Variants in FANCA observed in about 807,000 individuals in gnomAD.
FANCA encodes the protein FA complementation group A, also known as Fanconi anemia group A protein.
A neutral mutation model predicts 194.3 loss-of-function variants in FANCA; 236 were observed. The ratio of observed to expected loss-of-function variants is 1.21; its 90% CI spans 1.09 to 1.35. The LOEUF (loss-of-function observed/expected upper bound fraction) is 1.35. Among genes scored for constraint, FANCA ranks in the 40% most tolerant of loss-of-function variants. The pLI is 0.00. For synonymous variants in FANCA, 1,014 were observed against 715.8 expected (o/e 1.42, Z -6.65); for missense variants, 2,628 against 1,813.9 (o/e 1.45, Z -8.15).
rs12935638 is a variant in FANCA at position 89,811,222 on chromosome 16, G to A, written c.284-151C>T. 0.015 allele frequency: 13,987 copies of A among 957,722 alleles called. 391 individuals are homozygous for A. Among genetic ancestry groups the A allele is most frequent in the South Asian group, 0.086 (5,982 of 69,450 alleles). The allele number at this position is 957,722 out of a possible 1,614,324, so 59.3% of individuals were successfully genotyped here. Reference sequence around the variant, plus strand: ...AGAATAGATGCAAAGGGAAAAACATGAGATAAAAATGAGAATTTGATGATC... The same window carrying A: ...AGAATAGATGCAAAGGGAAAAACATAAGATAAAAATGAGAATTTGATGATC... On this transcript the variant is annotated intron_variant, in intron 3 of 42. Transcript: ENST00000389301.
At chr16:89,761,460 G>A (rs12931201) in intron 29 of FANCA, among the ~76,000 whole-genome samples, 1,879 of 148,872 alleles carry the variant, frequency 0.013, 30 homozygotes, top group South Asian at 0.09. Context: ...TTGCCACCGC[G>A]TGGAAGCTTT....
intron 28 of FANCA, chr16:89,764,663 A>G (rs2039063558): frequency 3.2e-6 from 2 of 621,008 alleles, no homozygotes; most frequent in South Asian, 3.0e-5. Context: ...CAAGATTCCA[A>G]TCAAACCATC....
rs17233595 is a variant in FANCA at position 89,746,527 on chromosome 16, C to T, written c.3513+57G>A. The T allele has an allele frequency of 0.012, 16,542 of 1,351,056 alleles. 1,247 individuals are homozygous for T. The African/African-American group carries it at 0.18, about 15-fold the overall frequency. 83.7% of individuals were successfully genotyped at this position (1,351,056 alleles called of 1,614,324 possible). The stretch of plus-strand genomic sequence containing the variant: ...CGTGCTGCAGAGATGCCAGAGGCAG[C>T]TGTGGAGTCTCCCACTCATCCCCAA... On this transcript the variant is annotated intron_variant, in intron 35 of 42. Transcript: ENST00000389301.
At chr16:89,800,815 GAGGTC>G (rs2040420891) in intron 8 of FANCA, among the ~76,000 whole-genome samples, 1 of 152,166 alleles carries the variant, frequency 6.6e-6, no homozygotes, top group Admixed American at 6.5e-5. Flanking sequence ...TGGATCACCT[GAGGTC>G]AGGAGTTCTA....
intron 1 of FANCA, chr16:89,816,297 G>C (rs566370312): frequency 4.5e-4 from 115 of 256,328 alleles, no homozygotes; most frequent in African/African-American, 2.4e-3. Context: ...GGCGGGGGCG[G>C]CGTTCGGGAA....
Position 89,796,026 on chromosome 16 carries a change from T to G in FANCA, c.894-8A>C, listed in dbSNP as rs11648881. 1.2e-6 allele frequency: 2 copies of G among 1,611,038 alleles called. No individual in the cohort carries two copies. The highest frequency in any genetic ancestry group is 1.7e-6 in the Non-Finnish European group (2 of 1,177,312). On this transcript the variant is annotated splice_region_variant and splice_polypyrimidine_tract_variant and intron_variant, in intron 10 of 42. Transcript: ENST00000389301. The stretch of plus-strand genomic sequence containing the variant: ...CCACTGAACACTCCGAACCTGCCAA[T>G]GCAGCAGAAAGAGGGGTCAGGAAAG...
chr16:89,739,423 G>C, intron 40 of FANCA, 55 bp downstream of exon 40: 1 of 1,554,894 alleles, frequency 6.4e-7, no homozygotes. Context: ...GAGGTGCTGA[G>C]ATGGGGGTCT....
intron 28 of FANCA, 137 bp from the exon 29 acceptor site, chr16:89,762,159 G>C: frequency 1.3e-6 from 1 of 746,770 alleles, no homozygotes; most frequent in East Asian, 2.5e-5. Flanking sequence ...GCAGCTGAGA[G>C]TTCCACAGGA....
intron 30 of FANCA, among the ~76,000 whole-genome samples, chr16:89,754,719 C>T (rs1170594133): frequency 2.6e-5 from 4 of 152,106 alleles, no homozygotes; most frequent in African/African-American, 9.7e-5. Flanking sequence ...CAAAAACACT[C>T]TTAGAACTAA....
At chr16:89,745,731 A>G (rs12923751) in intron 35 of FANCA, among the ~76,000 whole-genome samples, 16,285 of 62,790 alleles carry the variant, frequency 0.26, 2,256 homozygotes, top group East Asian at 0.9. Flanking sequence ...AGCTGGGAAC[A>G]AAACAGTGAA....
intron 10 of FANCA, 83 bp downstream of exon 10, chr16:89,799,083 G>C (rs151064671): frequency 1.2e-6 from 2 of 1,614,212 alleles, no homozygotes; most frequent in Non-Finnish European, 1.7e-6. Flanking sequence ...TGAAGCTCTG[G>C]AAGTGTTTAA....
intron 14 of FANCA, among the ~76,000 whole-genome samples, chr16:89,787,706 A>C (rs1290037645): frequency 1.3e-5 from 2 of 152,054 alleles, no homozygotes; most frequent in African/African-American, 2.4e-5. Flanking sequence ...ACCACATCCC[A>C]GCCTGGGAGA....
At chr16:89,755,351 T>TTAC (rs1199808367) in intron 30 of FANCA, among the ~76,000 whole-genome samples, 1 of 152,084 alleles carries the variant, frequency 6.6e-6, no homozygotes, top group Non-Finnish European at 1.5e-5. Flanking sequence ...GTAGCTGGGA[T>TTAC]TACAGGCGCC....
In FANCA at chr16:89,742,902, G is replaced by A. The variant is rs781216012; in HGVS notation, c.3663C>T (p.Asn1221=). ...GTGCAGCAGCTGAGAGCCAGTCCGG[G>A]TTGGGTGCTGGGGAGGCAGCCTCAG... The part of the protein sequence containing the change: ...LSPEAASPAP[N]PDWLSAAALH... The change falls in exon 37 of 43, where the codon AAC becomes AAT. Residue 1221 remains asparagine (N), a synonymous_variant. Coordinates refer to ENST00000389301, the MANE Select transcript of FANCA (RefSeq NM_000135.4). The A allele has an allele frequency of 1.1e-5, 18 of 1,614,158 alleles. No individual in the cohort carries two copies. The highest frequency in any genetic ancestry group is 1.4e-5 in the Non-Finnish European group (17 of 1,180,012).
At chr16:89,748,458 G>C (rs1353934216) in intron 33 of FANCA, among the ~76,000 whole-genome samples, 1 of 152,244 alleles carries the variant, frequency 6.6e-6, no homozygotes, top group Non-Finnish European at 1.5e-5. Flanking sequence ...ACCTACAGCT[G>C]GTTTGGTGAT....
intron 14 of FANCA, among the ~76,000 whole-genome samples, chr16:89,788,568 G>T (rs748186041): frequency 6.6e-6 from 1 of 152,194 alleles, no homozygotes; most frequent in Admixed American, 6.5e-5. Flanking sequence ...GGGTTAAGGT[G>T]CGGGGATCGC....
rs1231071931 is a variant in FANCA, at chr16:89,815,858, G to C, written c.189+19C>G. ...CCGAACCTAAATCTGCCCGCAGACGGACACCAGCTTCCTCTTACCTCAAGC... is the reference window on the plus strand; with the variant it reads ...CCGAACCTAAATCTGCCCGCAGACGCACACCAGCTTCCTCTTACCTCAAGC... On this transcript the variant is annotated intron_variant, in intron 2 of 42. Coordinates refer to ENST00000389301, the MANE Select transcript of FANCA (RefSeq NM_000135.4). The C allele has an allele frequency of 6.3e-7, 1 of 1,580,066 alleles. No homozygotes were observed. Among genetic ancestry groups the C allele is most frequent in the Non-Finnish European group, 8.7e-7 (1 of 1,149,058 alleles).
chr16:89,787,178 C>T (rs1288011184), intron 14 of FANCA, among the ~76,000 whole-genome samples: 1 of 152,162 alleles, frequency 6.6e-6, no homozygotes, highest in Non-Finnish European at 1.5e-5. Context: ...CCGGTAATTC[C>T]AACACTTTGG....
At position 89,739,560 on chromosome 16, in the gene FANCA, C is replaced by T. The variant is rs2062071481; in HGVS notation, c.3935-7G>A. 3.2e-6 allele frequency: 5 copies of T among 1,551,128 alleles called. No homozygotes were observed. The highest frequency in any genetic ancestry group is 2.6e-6 in the Non-Finnish European group (3 of 1,146,938). On this transcript the variant is annotated splice_region_variant and splice_polypyrimidine_tract_variant and intron_variant, in intron 39 of 42. Transcript: ENST00000389301. ...AGCCGCCCCAGCCTGAGGTCTGCAA[C>T]ACCAAGAAGTGGCTCAGGCAACTCT...
Sources: gnomAD v4.1 joint callset for allele counts (sites outside exome capture counted in the v4.1 genomes callset) on GRCh38, gnomAD v4.1.1 for gene constraint, MANE v1.5 for transcripts, NCBI Gene and HGNC (gene_info 2026-07-23, HGNC 2026-07-21) for gene names.